Variants in CCDC102B observed in about 807,000 individuals in gnomAD.
CCDC102B encodes coiled-coil domain containing 102B, also known as coiled-coil domain-containing protein 102B.
Under a neutral mutation model 57.4 loss-of-function variants are expected in CCDC102B, and 75 were observed. The ratio of observed to expected loss-of-function variants is 1.31; its 90% CI spans 1.08 to 1.58. CCDC102B has a LOEUF of 1.58. CCDC102B is among the 40% of genes most tolerant of loss of function. CCDC102B has a pLI of 0.00. For synonymous variants in CCDC102B, 206 were observed against 201.9 expected, an observed-to-expected ratio of 1.02 and a Z score of -0.17; for missense variants, 636 against 582.6, an observed-to-expected ratio of 1.09 and a Z score of -0.94.
intron 6 of CCDC102B, among the ~76,000 whole-genome samples, chr18:68,907,439 A>AT (rs1244982935): frequency 1.3e-5 from 2 of 152,140 alleles, no homozygotes; most frequent in East Asian, 3.9e-4. Context: ...CTGTGCATAT[A>AT]TCTTTCCATA....
intron 5 of CCDC102B, chr18:68,875,017 C>G (rs2039388778): frequency 3.2e-6 from 1 of 314,538 alleles, no homozygotes; most frequent in Non-Finnish European, 6.0e-6. Context: ...GACTATGAAA[C>G]TATCTTATAG....
chr18:68,869,192 A>G (rs1376989118), intron 4 of CCDC102B, among the ~76,000 whole-genome samples: 1 of 152,166 alleles, frequency 6.6e-6, no homozygotes, highest in Non-Finnish European at 1.5e-5. Context: ...TGTAGAAAGG[A>G]AAGTTGAACA....
At chr18:68,956,358 A>ATATTAATATATG (rs1480280348) in intron 6 of CCDC102B, among the ~76,000 whole-genome samples, 1 of 58,352 alleles carries the variant, frequency 1.7e-5, no homozygotes, top group Admixed American at 2.6e-4. Context: ...ATTAATATAT[A>ATATTAATATATG]TAATATATAT....
intron 2 of CCDC102B, among the ~76,000 whole-genome samples, chr18:68,784,182 C>T (rs2035104753): frequency 1.3e-5 from 2 of 152,154 alleles, no homozygotes; most frequent in Admixed American, 1.3e-4. Flanking sequence ...AATTGACTCA[C>T]AGTTCTGTGG....
intron 2 of CCDC102B, among the ~76,000 whole-genome samples, chr18:68,748,731 A>C (rs1477984): frequency 0.29 from 43,944 of 152,054 alleles, 6,853 homozygotes; most frequent in East Asian, 0.53. Context: ...TAGCTAAAGC[A>C]GATTCTGTTT....
At chr18:68,833,474 A>G (rs1325672405) in intron 1 of CCDC102B, among the ~76,000 whole-genome samples, 1 of 151,888 alleles carries the variant, frequency 6.6e-6, no homozygotes, top group Non-Finnish European at 1.5e-5. Flanking sequence ...TAGTATGTCA[A>G]GGTGACTTAC....
At position 68,910,157 on chromosome 18, in the gene CCDC102B, G is replaced by A. The variant is rs528903259; in HGVS notation, c.1263+12729G>A. ...AAAATATAAAAATTCACTGGGCACA[G>A]TGGTACGTGCCTGAAATCCTAGCTA... On this transcript the variant is annotated intron_variant, in intron 6 of 7. Coordinates refer to ENST00000360242, the MANE Select transcript of CCDC102B (RefSeq NM_024781.3). Among the ~76,000 whole-genome samples the A allele has an allele frequency of 5.3e-5, 8 of 152,312 alleles. No individual in the cohort carries two copies. In the East Asian group the frequency reaches 1.5e-3, roughly 29 times the overall value.
intron 5 of CCDC102B, among the ~76,000 whole-genome samples, chr18:68,879,452 A>G (rs1418619463): frequency 6.6e-6 from 1 of 152,124 alleles, no homozygotes; most frequent in Non-Finnish European, 1.5e-5. Flanking sequence ...GCTGATTGGT[A>G]GAGTCCAGTG....
chr18:68,783,143 C>A (rs957122224), intron 2 of CCDC102B, among the ~76,000 whole-genome samples: 1 of 152,162 alleles, frequency 6.6e-6, no homozygotes, highest in Non-Finnish European at 1.5e-5. Context: ...CAGTCCTGGC[C>A]TGGGAAGGCT....
At chr18:69,053,405 A>T (rs10432227) in intron 7 of CCDC102B, among the ~76,000 whole-genome samples, 4,508 of 151,812 alleles carry the variant, frequency 0.03, 147 homozygotes, top group East Asian at 0.16. Flanking sequence ...CATGGGAATA[A>T]AAAACACAAG....
At chr18:68,845,751 G>C (rs1486696282) in intron 3 of CCDC102B, among the ~76,000 whole-genome samples, 1 of 151,752 alleles carries the variant, frequency 6.6e-6, no homozygotes, top group Non-Finnish European at 1.5e-5. Flanking sequence ...TCTACAAATA[G>C]AGAAATTAAT....
chr18:68,737,524 T>TTGTG (rs745748969), intron 2 of CCDC102B, among the ~76,000 whole-genome samples: 1 of 150,064 alleles, frequency 6.7e-6, no homozygotes, highest in Non-Finnish European at 1.5e-5. Flanking sequence ...GAAGGGAGGG[T>TTGTG]TGTGTGTGTG....
At chr18:68,721,119 C>T (rs565932392) in intron 2 of CCDC102B, 1 of 152,332 alleles carries the variant, frequency 6.6e-6, no homozygotes, top group East Asian at 1.9e-4. Context: ...GCCCAAGTTC[C>T]TACTCTCTCA....
At chr18:68,813,571 G>A (rs539433233) in intron 1 of CCDC102B, among the ~76,000 whole-genome samples, 12 of 151,982 alleles carry the variant, frequency 7.9e-5, no homozygotes, top group South Asian at 4.2e-4. Flanking sequence ...GACCAGAAAT[G>A]TAGGTTAGTT....
At chr18:68,812,477 C>T (rs376761413) in intron 1 of CCDC102B, among the ~76,000 whole-genome samples, 1 of 152,210 alleles carries the variant, frequency 6.6e-6, no homozygotes, top group East Asian at 1.9e-4. Context: ...ACTTTCATGT[C>T]GTGGTTCACT....
rs572923141 is a variant in CCDC102B at position 69,004,158 on chromosome 18, A to G, written c.1264-6776A>G. Among the ~76,000 whole-genome samples the G allele has an allele frequency of 2.0e-3, 301 of 152,286 alleles. 1 individual carries two copies. The highest frequency in any genetic ancestry group is 6.2e-3 in the African/African-American group (259 of 41,560). On this transcript the variant is annotated intron_variant, in intron 6 of 7. Coordinates refer to ENST00000360242, the MANE Select transcript of CCDC102B (RefSeq NM_024781.3). ...TAGGAAATTTAATTGTGTAGGGTAC[A>G]TATTCTAAAGTGACAGCCAGGGACA... is the stretch of plus-strand genomic sequence containing the variant.
chr18:68,837,001 G>T lies in CCDC102B; in HGVS notation c.238G>T (p.Glu80Ter), dbSNP rs746417583. ...AGAACTTCGCCTGCGGGAGCTTGAA[G>T]AAGTCAAGGCCAGAGCTGCTCAGAT... The part of the protein sequence containing the change: ...CEELRLRELE[E>*]VKARAAQMEK... The change falls in exon 2 of 8, where the codon GAA (glutamate) becomes TAA (stop). Residue 80 changes from glutamate to a stop codon, truncating the protein, a stop_gained. Transcript: ENST00000360242. LOFTEE classifies it high-confidence loss of function. 1 of 1,614,184 alleles carries T rather than the reference G, an allele frequency of 6.2e-7. No homozygotes were observed. Among genetic ancestry groups the T allele is most frequent in the Non-Finnish European group, 8.5e-7 (1 of 1,180,036 alleles).
chr18:69,011,183 T>A, intron 7 of CCDC102B, 79 bp downstream of exon 7: 1 of 1,266,032 alleles, frequency 7.9e-7, no homozygotes, highest in Non-Finnish European at 1.1e-6. Flanking sequence ...GTCTCCCTTA[T>A]TAACATATGG....
chr18:68,879,284 A>G (rs1355729076), intron 5 of CCDC102B, among the ~76,000 whole-genome samples: 1 of 152,148 alleles, frequency 6.6e-6, no homozygotes, highest in Non-Finnish European at 1.5e-5. Flanking sequence ...GTTACAGCTC[A>G]TAAAAGCAGT....
Sources: gnomAD v4.1 joint callset for allele counts (sites outside exome capture counted in the v4.1 genomes callset) on GRCh38, gnomAD v4.1.1 for gene constraint, MANE v1.5 for transcripts, NCBI Gene and HGNC (gene_info 2026-07-23, HGNC 2026-07-21) for gene names.